Variants in APOL5 observed in about 807,000 individuals in gnomAD.
The protein encoded by APOL5 is apolipoprotein L5, also known as apolipoprotein L, 5.
A neutral mutation model predicts 35.5 loss-of-function variants in APOL5; 29 were observed. That is an observed-to-expected ratio of 0.82 (90% CI 0.61 to 1.11). The LOEUF (loss-of-function observed/expected upper bound fraction) is 1.11. Ranked by LOEUF, APOL5 falls within the 50% of genes most tolerant of loss-of-function variation. The pLI, the probability that APOL5 is intolerant of heterozygous loss-of-function variation, is 0.00. For synonymous variants in APOL5, 188 were observed against 200.2 expected, an observed-to-expected ratio of 0.94 and a Z score of 0.51; for missense variants, 514 against 530.4, an observed-to-expected ratio of 0.97 and a Z score of 0.30.
chr22:35,711,747 C>T, the APOL5 span, among the ~76,000 whole-genome samples: 1 of 151,120 alleles, frequency 6.6e-6, no homozygotes, highest in Non-Finnish European at 1.5e-5. Flanking sequence ...ATGATCTCAG[C>T]TCACTGCAAC....
At chr22:35,728,620 G>A in intron 3 of APOL5, 103 bp from the exon 4 acceptor site, 2 of 1,359,444 alleles carry the variant, frequency 1.5e-6, no homozygotes, top group Non-Finnish European at 2.0e-6. Context: ...TCTTCTCAAA[G>A]CCAATAGAAA....
chr22:35,719,058 A>G (rs931512293), intron 1 of APOL5, among the ~76,000 whole-genome samples: 2 of 57,128 alleles, frequency 3.5e-5, no homozygotes, highest in Non-Finnish European at 8.3e-5. Context: ...CCGTCTCAAA[A>G]ATAATAATAA....
At chr22:35,713,201 C>T (rs1926641048), upstream of APOL5, among the ~76,000 whole-genome samples, 1 of 152,164 alleles carries the variant, frequency 6.6e-6, no homozygotes, top group Non-Finnish European at 1.5e-5. Context: ...ATCTATTTTC[C>T]CTCGTCTCTA....
chr22:35,720,659 G>A lies in APOL5; in HGVS notation c.142+5G>A, dbSNP rs1025103766. 1.2e-6 allele frequency: 2 copies of A among 1,601,524 alleles called. No individual in the cohort carries two copies. The highest frequency in any genetic ancestry group is 1.7e-6 in the Non-Finnish European group (2 of 1,169,218). ...AGTCCCCAGAACCTGAGTTCCGTGAGGGCAGAGAACAGGCTGTTATGCTTA... is the reference window on the plus strand; with the variant it reads ...AGTCCCCAGAACCTGAGTTCCGTGAAGGCAGAGAACAGGCTGTTATGCTTA... On this transcript the variant is annotated splice_donor_5th_base_variant and intron_variant, in intron 2 of 4. Coordinates refer to ENST00000249044, the MANE Select transcript of APOL5 (RefSeq NM_030642.1).
intron 2 of APOL5, among the ~76,000 whole-genome samples, chr22:35,725,368 C>T (rs1237101197): frequency 3.3e-5 from 5 of 152,130 alleles, no homozygotes; most frequent in African/African-American, 4.8e-5. Flanking sequence ...CTGGTTCAAG[C>T]GACTCTCCTG....
upstream of APOL5, chr22:35,717,768 G>GGCA: frequency 2.4e-6 from 1 of 409,700 alleles, no homozygotes; most frequent in Non-Finnish European, 3.8e-6. Context: ...GAAAAGAAAA[G>GGCA]AAAAAAAAAT....
rs1242285905 is a variant in APOL5, at chr22:35,720,566, AG to A, written c.56del. 9 of 1,613,938 alleles carry A rather than the reference AG, an allele frequency of 5.6e-6. No individual in the cohort carries two copies. Among genetic ancestry groups the A allele is most frequent in the Non-Finnish European group, 7.6e-6 (9 of 1,179,870 alleles). On this transcript the variant is annotated splice_acceptor_variant, in intron 1 of 4. Transcript: ENST00000249044. LOFTEE classifies it high-confidence loss of function. ...ATGTCCCTGATCCTTGTCCATCTCC[AG>A]GCTTGGGAGAAGGTTGTAAAGAAAT...
At chr22:35,723,052 C>T (rs576066328) in intron 2 of APOL5, among the ~76,000 whole-genome samples, 3 of 152,298 alleles carry the variant, frequency 2.0e-5, no homozygotes, top group Admixed American at 6.5e-5. Context: ...AGGCCCCTCC[C>T]GCTTCCTCCA....
the APOL5 span, among the ~76,000 whole-genome samples, chr22:35,708,613 A>T: frequency 2.0e-5 from 3 of 152,230 alleles, no homozygotes; most frequent in South Asian, 2.1e-4. Context: ...GCTTGGATTA[A>T]AAAGGGGGGA....
Position 35,727,006 on chromosome 22 carries a change from G to A in APOL5, c.938G>A (p.Ser313Asn). 1 of 1,614,146 alleles carries A rather than the reference G, an allele frequency of 6.2e-7. No individual in the cohort carries two copies. Residue 313 changes from serine (S) to asparagine (N), a missense_variant, in exon 3 of 5, where the codon AGC becomes AAC. Coordinates refer to ENST00000249044, the MANE Select transcript of APOL5 (RefSeq NM_030642.1). ...AAAGACATGAGCAGCTTCCTGCAGA[G>A]CTGGAAGCACCTGGAGGATGGGGCA... ...LMKDMSSFLQ[S>N]WKHLEDGART...
At position 35,726,702 on chromosome 22, in the gene APOL5, CAT is replaced by C; in HGVS notation, c.635_636del (p.His212ArgfsTer10). 1 of 1,614,260 alleles carries C rather than the reference CAT, an allele frequency of 6.2e-7. No individual in the cohort carries two copies. On this transcript the variant is annotated frameshift_variant, in exon 3 of 5. Coordinates refer to ENST00000249044, the MANE Select transcript of APOL5 (RefSeq NM_030642.1). LOFTEE classifies it high-confidence loss of function. ...CCGACTGGGGCCTCTGACAACATCACATGAGGCTTTCGGAGGAATAAATTGGT... is the reference window on the plus strand; with the variant it reads ...CCGACTGGGGCCTCTGACAACATCACGAGGCTTTCGGAGGAATAAATTGGT... ...ASRLGPLTTS[H>X]EAFGGINWSE...
chr22:35,710,072 T>C, the APOL5 span, among the ~76,000 whole-genome samples: 1 of 151,734 alleles, frequency 6.6e-6, no homozygotes, highest in Admixed American at 6.6e-5. Flanking sequence ...TCTTTGTTTT[T>C]GTTGTTGTTG....
At chr22:35,714,549 AC>A (rs1428592222), upstream of APOL5, among the ~76,000 whole-genome samples, 8 of 152,242 alleles carry the variant, frequency 5.3e-5, no homozygotes, top group East Asian at 1.5e-3. Context: ...GCCTCGTTTT[AC>A]CCTTCTGGCT....
intron 2 of APOL5, among the ~76,000 whole-genome samples, chr22:35,723,328 C>T (rs570559541): frequency 2.0e-5 from 3 of 152,262 alleles, no homozygotes; most frequent in South Asian, 2.1e-4. Context: ...AACCCTGTTA[C>T]GTGCTGTAGA....
intron 4 of APOL5, 132 bp from the exon 5 acceptor site, chr22:35,729,222 G>C (rs1296662372): frequency 8.1e-6 from 2 of 245,938 alleles, no homozygotes; most frequent in Non-Finnish European, 1.5e-5. Flanking sequence ...AAAAGTACTA[G>C]GTGTGCAAAG....
chr22:35,728,664 C>T (rs1160498213), intron 3 of APOL5, 59 bp from the exon 4 acceptor site: 1 of 1,553,372 alleles, frequency 6.4e-7, no homozygotes, highest in Non-Finnish European at 8.7e-7. Context: ...AGCTTCTGAA[C>T]GTCCAGGGGC....
intron 1 of APOL5, 104 bp downstream of exon 1, chr22:35,718,030 C>A: frequency 1.1e-6 from 1 of 877,648 alleles, no homozygotes. Flanking sequence ...CCACCATATG[C>A]TATTGCTGGG....
upstream of APOL5, among the ~76,000 whole-genome samples, chr22:35,717,477 C>T (rs958921936): frequency 6.7e-5 from 10 of 149,810 alleles, no homozygotes; most frequent in Non-Finnish European, 1.5e-4. Flanking sequence ...CAGTGGCTCA[C>T]GCCTGTAATC....
At chr22:35,727,261 G>A (rs552895269) in intron 3 of APOL5, 67 bp downstream of exon 3, 4 of 1,536,506 alleles carry the variant, frequency 2.6e-6, no homozygotes, top group South Asian at 1.2e-5. Context: ...AGGGTGGGGG[G>A]CGACGAATGC....
Sources: allele counts gnomAD v4.1 joint callset (sites outside exome capture counted in the v4.1 genomes callset), GRCh38; gene constraint gnomAD v4.1.1; transcripts MANE v1.5; gene names NCBI Gene and HGNC (gene_info 2026-07-23, HGNC 2026-07-21).